The following PCCB variants were observed in gnomAD, a reference collection of about 807,000 sequenced individuals.
The protein encoded by PCCB is propionyl-CoA carboxylase beta chain, mitochondrial.
A neutral mutation model predicts 60.7 loss-of-function variants in PCCB; 43 were observed. The ratio of observed to expected loss-of-function variants is 0.71; its 90% CI spans 0.55 to 0.91. The LOEUF is 0.91. Among genes scored for constraint, PCCB ranks in the 40% least tolerant of loss-of-function variants. The pLI is 0.00. For missense variants in PCCB, 766 were observed against 702.8 expected (o/e 1.09, Z -1.02); for synonymous variants, 276 against 255.9 (o/e 1.08, Z -0.75).
At chr3:136,293,898 A>T (rs774304414) in intron 7 of PCCB, 34 bp downstream of exon 7, 1 of 1,243,538 alleles carries the variant, frequency 8.0e-7, no homozygotes, top group South Asian at 1.2e-5. Context: ...TGTTGTTTTC[A>T]AACATTGAGA....
At chr3:136,267,073 T>C (rs1368020013) in intron 5 of PCCB, among the ~76,000 whole-genome samples, 1 of 152,116 alleles carries the variant, frequency 6.6e-6, no homozygotes, top group Middle Eastern at 3.4e-3. Flanking sequence ...TTAGTAGAGA[T>C]AGGGTTTCAC....
At chr3:136,291,258 C>A (rs1933675881) in intron 6 of PCCB, among the ~76,000 whole-genome samples, 1 of 152,130 alleles carries the variant, frequency 6.6e-6, no homozygotes, top group Non-Finnish European at 1.5e-5. Context: ...CAGACACATG[C>A]CATTACACCT....
chr3:136,321,463 T>TA (rs1368674545), intron 10 of PCCB, among the ~76,000 whole-genome samples: 1 of 152,224 alleles, frequency 6.6e-6, no homozygotes, highest in Non-Finnish European at 1.5e-5. Context: ...TCAGGAAACT[T>TA]ACAATCATGG....
chr3:136,283,838 G>C lies in PCCB; in HGVS notation c.545G>C (p.Arg182Thr), dbSNP rs2108181825. The C allele has an allele frequency of 5.0e-6, 8 of 1,607,392 alleles. No individual in the cohort carries two copies. Among genetic ancestry groups the C allele is most frequent in the Non-Finnish European group, 6.8e-6 (8 of 1,173,938 alleles). The stretch of plus-strand genomic sequence containing the variant: ...GCTTTTGCTTTTCTGTTTTGGCAGA[G>C]GAATGTTACGGCATCCGGAGTCATC... ...SLAGYADIFL[R>T]NVTASGVIPQ... is the part of the protein sequence containing the mutation. The change falls in exon 6 of 15, where the codon AGG becomes ACG. Residue 182 changes from arginine (R) to threonine (T), a missense_variant and splice_region_variant. Physicochemically the swap from Arg to Thr is moderately conservative, Grantham distance 71. Transcript: ENST00000251654.
chr3:136,294,802 G>A (rs1933861048), intron 7 of PCCB, among the ~76,000 whole-genome samples: 1 of 151,448 alleles, frequency 6.6e-6, no homozygotes, highest in African/African-American at 2.4e-5. Context: ...TTTTTTTGTA[G>A]AGATGTGGTC....
chr3:136,317,736 T>C (rs1469162024), intron 10 of PCCB, among the ~76,000 whole-genome samples: 1 of 152,160 alleles, frequency 6.6e-6, no homozygotes, highest in Non-Finnish European at 1.5e-5. Flanking sequence ...CACAGTAGTA[T>C]CTCCAGTGCC....
chr3:136,272,298 C>G (rs1369291137), intron 5 of PCCB, among the ~76,000 whole-genome samples: 1 of 152,056 alleles, frequency 6.6e-6, no homozygotes, highest in East Asian at 1.9e-4. Flanking sequence ...CCATGTTTAT[C>G]AGAGACACTG....
chr3:136,327,343 TGGAAG>T, intron 12 of PCCB, 88 bp downstream of exon 12: 1 of 967,132 alleles, frequency 1.0e-6, no homozygotes, highest in South Asian at 1.3e-5. Flanking sequence ...TTACCAGGGC[TGGAAG>T]GAGTACACCT....
At chr3:136,317,844 T>G (rs1934964947) in intron 10 of PCCB, among the ~76,000 whole-genome samples, 1 of 152,212 alleles carries the variant, frequency 6.6e-6, no homozygotes, top group Admixed American at 6.5e-5. Context: ...CAGACCTGAT[T>G]CGCAGCCAAG....
rs1248879007 is a variant in PCCB, at chr3:136,256,556, T to G, written c.305T>G (p.Phe102Cys). The G allele has an allele frequency of 3.1e-6, 5 of 1,611,170 alleles. No homozygotes were observed. In the Admixed American group the frequency reaches 6.7e-5, roughly 21 times the overall value. ...TTTATTTTTGCATTTTTCTGGTAGTTTCCTGGAGACAGCGTGGTCACTGGA... is the reference window on the plus strand; with the variant it reads ...TTTATTTTTGCATTTTTCTGGTAGTGTCCTGGAGACAGCGTGGTCACTGGA... The part of the protein sequence containing the change: ...DFGMAADKNK[F>C]PGDSVVTGRG... The change falls in exon 3 of 15, where the codon TTT becomes TGT. Residue 102 changes from phenylalanine to cysteine, a missense_variant and splice_region_variant. Physicochemically the swap from Phe to Cys is radical, Grantham distance 205. Coordinates refer to ENST00000251654, the MANE Select transcript of PCCB (RefSeq NM_000532.5).
intron 5 of PCCB, among the ~76,000 whole-genome samples, chr3:136,267,189 T>A (rs952760583): frequency 6.6e-6 from 1 of 152,042 alleles, no homozygotes; most frequent in African/African-American, 2.4e-5. Flanking sequence ...TCAGCCTATT[T>A]TTATTTTATT....
chr3:136,266,727 C>T (rs1043725689), intron 5 of PCCB, among the ~76,000 whole-genome samples: 1 of 152,130 alleles, frequency 6.6e-6, no homozygotes, highest in Non-Finnish European at 1.5e-5. Flanking sequence ...GCTGAAATGT[C>T]TATTCAGATC....
intron 3 of PCCB, among the ~76,000 whole-genome samples, chr3:136,258,897 A>G (rs553696698): frequency 1.3e-5 from 2 of 151,378 alleles, no homozygotes; most frequent in East Asian, 2.0e-4. Context: ...GATTACCCCC[A>G]CTGCAGGTGT....
intron 7 of PCCB, among the ~76,000 whole-genome samples, chr3:136,295,807 G>A (rs1933905634): frequency 6.6e-6 from 1 of 151,072 alleles, no homozygotes; most frequent in South Asian, 2.1e-4. Context: ...TCAAACATAG[G>A]TATGGACATA....
intron 10 of PCCB, among the ~76,000 whole-genome samples, chr3:136,324,594 T>C (rs1354382196): frequency 1.3e-5 from 2 of 152,200 alleles, no homozygotes; most frequent in African/African-American, 4.8e-5. Context: ...AAAGACACTC[T>C]CTGTTTTTTT....
chr3:136,323,987 G>A (rs1262555504), intron 10 of PCCB, among the ~76,000 whole-genome samples: 1 of 147,500 alleles, frequency 6.8e-6, no homozygotes, highest in East Asian at 2.0e-4. Flanking sequence ...CTTTTCCCAA[G>A]CTTTGTTTTT....
At chr3:136,292,621 G>T (rs1294068076) in intron 6 of PCCB, among the ~76,000 whole-genome samples, 2 of 152,200 alleles carry the variant, frequency 1.3e-5, no homozygotes, top group Non-Finnish European at 2.9e-5. Flanking sequence ...AAACAAATTT[G>T]AGAACAGTGT....
At position 136,326,787 on chromosome 3, in the gene PCCB, ATCTC is replaced by A. The variant is rs760022757; in HGVS notation, c.1091-10_1091-7del. The A allele has an allele frequency of 4.6e-6, 7 of 1,520,736 alleles. No homozygotes were observed. In the African/African-American group the frequency reaches 6.8e-5, roughly 15 times the overall value. The allele number at this position is 1,520,736 out of a possible 1,614,324, so 94.2% of individuals were successfully genotyped here. A position where few individuals can be genotyped will look rare whatever the true frequency, so the allele number is the denominator to read the frequency against. The stretch of plus-strand genomic sequence containing the variant: ...ATTGCCTGGATACTCAGTATGGATA[ATCTC>A]TCTCTTTCTAGGATGCTTGGATATT... On this transcript the variant is annotated splice_polypyrimidine_tract_variant and intron_variant, in intron 10 of 14. Coordinates refer to ENST00000251654, the MANE Select transcript of PCCB (RefSeq NM_000532.5).
chr3:136,297,591 G>C (rs764176633), intron 7 of PCCB, among the ~76,000 whole-genome samples: 22 of 152,180 alleles, frequency 1.4e-4, no homozygotes, highest in Non-Finnish European at 2.5e-4. Context: ...GCAGTAAACA[G>C]GGAAATAGGT....
Sources: gnomAD v4.1 joint callset for allele counts (sites outside exome capture counted in the v4.1 genomes callset) on GRCh38, gnomAD v4.1.1 for gene constraint, MANE v1.5 for transcripts, NCBI Gene and HGNC (gene_info 2026-07-23, HGNC 2026-07-21) for gene names.